The following APOH variants were observed in gnomAD, a reference collection of about 807,000 sequenced individuals.
APOH encodes the protein apolipoprotein H.
A neutral mutation model predicts 39.8 loss-of-function variants in APOH; 48 were observed. The ratio of observed to expected loss-of-function variants is 1.21; its 90% confidence interval spans 0.96 to 1.54. APOH has a LOEUF of 1.54. Ranked by LOEUF, APOH falls within the 40% of genes most tolerant of loss-of-function variation. The probability of loss-of-function intolerance (pLI) is 0.00; values close to 1 mark genes in which losing one functional copy is unlikely to be tolerated. For synonymous variants in APOH, 153 were observed against 151.1 expected, an observed-to-expected ratio of 1.01 and a Z score of -0.09; for missense variants, 415 against 421.2, an observed-to-expected ratio of 0.99 and a Z score of 0.13.
intron 3 of APOH, 141 bp from the exon 4 acceptor site, chr17:66,223,915 AG>A (rs2073418955): frequency 4.2e-6 from 3 of 720,396 alleles, no homozygotes; most frequent in Non-Finnish European, 2.3e-6. Flanking sequence ...TGACAAACTT[AG>A]TACTCATCTA....
At chr17:66,219,779 T>A (rs1305978405) in intron 5 of APOH, among the ~76,000 whole-genome samples, 1 of 151,930 alleles carries the variant, frequency 6.6e-6, no homozygotes, top group Non-Finnish European at 1.5e-5. Context: ...ATTAGCCAAG[T>A]ATGGTGACGG....
intron 5 of APOH, among the ~76,000 whole-genome samples, chr17:66,217,511 C>A (rs568197520): frequency 6.6e-6 from 1 of 152,098 alleles, no homozygotes. Context: ...CCCAAACCCA[C>A]GTCCTTATGA....
chr17:66,224,684 AAGGGAAGGG>A (rs1567741783), intron 3 of APOH, among the ~76,000 whole-genome samples: 1 of 55,510 alleles, frequency 1.8e-5, no homozygotes, highest in East Asian at 7.3e-4. Context: ...AAGGGAAGGG[AAGGGAAGGG>A]AAAGGAAAGG....
chr17:66,223,316 T>A (rs1469312522), intron 4 of APOH, among the ~76,000 whole-genome samples: 2 of 151,602 alleles, frequency 1.3e-5, no homozygotes, highest in Non-Finnish European at 2.9e-5. Flanking sequence ...GAGGAAGATG[T>A]TTGTTTGATC....
chr17:66,217,361 C>T (rs1176808415), intron 5 of APOH, among the ~76,000 whole-genome samples: 2 of 130,080 alleles, frequency 1.5e-5, no homozygotes, highest in Non-Finnish European at 3.2e-5. Context: ...CCCCCATTCA[C>T]ACTTAGTACA....
intron 2 of APOH, among the ~76,000 whole-genome samples, chr17:66,226,366 A>T (rs1191668132): frequency 2.0e-5 from 3 of 152,214 alleles, no homozygotes; most frequent in African/African-American, 7.2e-5. Context: ...GGCGGGGAGC[A>T]GTGGCTCACG....
At chr17:66,215,342 T>C (rs912097754) in intron 6 of APOH, among the ~76,000 whole-genome samples, 4 of 152,222 alleles carry the variant, frequency 2.6e-5, no homozygotes, top group African/African-American at 9.6e-5. Context: ...ATGCAAATTG[T>C]CAGGCCCCAT....
intron 6 of APOH, 100 bp downstream of exon 6, chr17:66,216,688 A>T: frequency 7.9e-7 from 1 of 1,260,726 alleles, no homozygotes; most frequent in Non-Finnish European, 1.1e-6. Flanking sequence ...AGCAAGTCTG[A>T]GCAACAAGTG....
chr17:66,213,700 G>A (rs2073348191), intron 7 of APOH, among the ~76,000 whole-genome samples: 1 of 152,160 alleles, frequency 6.6e-6, no homozygotes, highest in South Asian at 2.1e-4. Context: ...CACTTTGGGA[G>A]ACTGAGACAG....
In APOH at chr17:66,220,555, C is replaced by T. The variant is rs1377546448; in HGVS notation, c.603G>A (p.Arg201=). 1 of 1,613,820 alleles carries T rather than the reference C, an allele frequency of 6.2e-7. No individual in the cohort carries two copies. Among genetic ancestry groups the T allele is most frequent in the African/African-American group, 1.3e-5 (1 of 75,042 alleles). The stretch of plus-strand genomic sequence containing the variant: ...ATTTTGTCTGATCATTGCACTTACC[C>T]CTGCATTCTGGTAATTTAGTCCAAT... ...HGNWTKLPEC[R]EVKCPFPSRP... Residue 201 remains arginine (R), a splice_region_variant and synonymous_variant, in exon 5 of 8, where the codon AGG becomes AGA. Coordinates refer to ENST00000205948, the MANE Select transcript of APOH (RefSeq NM_000042.3).
chr17:66,227,887 C>T, intron 2 of APOH, 133 bp downstream of exon 2: 1 of 887,434 alleles, frequency 1.1e-6, no homozygotes, highest in Non-Finnish European at 1.7e-6. Context: ...AAGACCTTCT[C>T]ATTTCTCTCC....
intron 3 of APOH, among the ~76,000 whole-genome samples, chr17:66,223,985 G>T (rs766913988): frequency 9.9e-5 from 15 of 152,176 alleles, no homozygotes; most frequent in Non-Finnish European, 2.1e-4. Flanking sequence ...TTCCACAGCT[G>T]GTGAGTGGAG....
chr17:66,223,814 T>A, intron 3 of APOH, 40 bp from the exon 4 acceptor site: 1 of 1,540,124 alleles, frequency 6.5e-7, no homozygotes, highest in East Asian at 2.2e-5. Flanking sequence ...AGTAAAATAA[T>A]CCATCACTGA....
intron 4 of APOH, among the ~76,000 whole-genome samples, chr17:66,221,360 G>A (rs2073399818): frequency 9.6e-6 from 1 of 104,710 alleles, no homozygotes; most frequent in Non-Finnish European, 1.9e-5. Context: ...AGAAAGAGGA[G>A]GGGAGGGGAG....
rs369169198 is a variant in APOH at position 66,221,266 on chromosome 17, A to AAAGGAAGGAAGGAAGGAAGGAAGGAAGG, written c.416-525_416-524insCCTTCCTTCCTTCCTTCCTTCCTTCCTT. ...CAGAAAGAAAGAGAGAGAGAGAAAGAAAGGAAGGAAGGAAGGAAGGAAGGA... is the reference window on the plus strand; with the variant it reads ...CAGAAAGAAAGAGAGAGAGAGAAAGAAAGGAAGGAAGGAAGGAAGGAAGGAAGGAAGGAAGGAAGGAAGGAAGGAAGGA... On this transcript the variant is annotated intron_variant, in intron 4 of 7. Coordinates refer to ENST00000205948, the MANE Select transcript of APOH (RefSeq NM_000042.3). Among the ~76,000 whole-genome samples, 35 of 120,554 alleles carry AAAGGAAGGAAGGAAGGAAGGAAGGAAGG rather than the reference A, an allele frequency of 2.9e-4. 1 individual carries two copies. Among genetic ancestry groups the AAAGGAAGGAAGGAAGGAAGGAAGGAAGG allele is most frequent in the African/African-American group, 1.1e-3 (31 of 29,378 alleles). The allele number at this position is 120,554 out of a possible 152,430, so 79.1% of individuals were successfully genotyped here.
chr17:66,226,512 G>A (rs1393715004), intron 2 of APOH, among the ~76,000 whole-genome samples: 1 of 151,912 alleles, frequency 6.6e-6, no homozygotes, highest in Non-Finnish European at 1.5e-5. Flanking sequence ...GTGGGTGCCT[G>A]TAGTCCCAGC....
At chr17:66,224,676 GGGAAGGGAAGGGAAGGGAAA>G (rs1567741746) in intron 3 of APOH, among the ~76,000 whole-genome samples, 17 of 34,102 alleles carry the variant, frequency 5.0e-4, no homozygotes, top group African/African-American at 1.6e-3. Flanking sequence ...GGGAAGGGAA[GGGAAGGGAAGGGAAGGGAAA>G]GGAAAGGAAA....
At position 66,214,586 on chromosome 17, in the gene APOH, C is replaced by T. The variant is rs2073353678; in HGVS notation, c.849G>A (p.Gln283=). The change falls in exon 7 of 8, where the codon CAG becomes CAA. Residue 283 remains glutamine, a synonymous_variant. Coordinates refer to ENST00000205948, the MANE Select transcript of APOH (RefSeq NM_000042.3). Reference sequence around the variant, plus strand: ...GTAGCATTCCATTCTTAAATTTTTCCTGAATCTTTACTCTCTCTCCTTGGT... The same window carrying T: ...GTAGCATTCCATTCTTAAATTTTTCTTGAATCTTTACTCTCTCTCCTTGGT... The part of the protein sequence containing the change: ...VVYQGERVKI[Q]EKFKNGMLHG... 6.2e-7 allele frequency: 1 copy of T among 1,613,848 alleles called. No homozygotes were observed. Among genetic ancestry groups the T allele is most frequent in the Admixed American group, 1.7e-5 (1 of 59,962 alleles).
intron 4 of APOH, among the ~76,000 whole-genome samples, chr17:66,222,780 A>T (rs8178918): frequency 0.021 from 3,166 of 152,178 alleles, 111 homozygotes; most frequent in African/African-American, 0.071. Flanking sequence ...CATGTTGGTC[A>T]GGCTGGTCTC....
Sources: allele counts gnomAD v4.1 joint callset (sites outside exome capture counted in the v4.1 genomes callset), GRCh38; gene constraint gnomAD v4.1.1; transcripts MANE v1.5; gene names NCBI Gene and HGNC (gene_info 2026-07-23, HGNC 2026-07-21).